The following PTPRN2 variants were observed in gnomAD, a reference collection of about 807,000 sequenced individuals.
The protein encoded by PTPRN2 is receptor-type tyrosine-protein phosphatase N2.
Under a neutral mutation model 118.8 loss-of-function variants are expected in PTPRN2, and 74 were observed. That is an observed-to-expected ratio of 0.62 (90% CI 0.52 to 0.76). The LOEUF is 0.76. PTPRN2 is among the 30% of genes least tolerant of loss of function. PTPRN2 has a pLI of 0.00. For missense variants in PTPRN2, 1,481 were observed against 1,394.4 expected (o/e 1.06, Z -0.99); for synonymous variants, 641 against 608.0 (o/e 1.05, Z -0.80).
intron 12 of PTPRN2, among the ~76,000 whole-genome samples, chr7:157,685,189 C>T (rs1000167704): frequency 1.3e-5 from 2 of 151,896 alleles, no homozygotes; most frequent in Non-Finnish European, 2.9e-5. Context: ...CGCCCTCCCA[C>T]CCCTCATCCC....
intron 10 of PTPRN2, among the ~76,000 whole-genome samples, chr7:158,094,985 T>C (rs1217130603): frequency 6.6e-6 from 1 of 152,138 alleles, no homozygotes; most frequent in Non-Finnish European, 1.5e-5. Context: ...CAGTTTGCAA[T>C]CCCAAATGAA....
At chr7:157,914,620 GTAT>G (rs968263062) in intron 11 of PTPRN2, among the ~76,000 whole-genome samples, 1 of 149,222 alleles carries the variant, frequency 6.7e-6, no homozygotes, top group African/African-American at 2.5e-5. Flanking sequence ...TTTTAAATTA[GTAT>G]TTCCTTAGGA....
chr7:158,085,581 C>T (rs1188663123), intron 10 of PTPRN2, among the ~76,000 whole-genome samples: 9 of 128,972 alleles, frequency 7.0e-5, no homozygotes, highest in Non-Finnish European at 1.1e-4. Context: ...ACACCCTCGA[C>T]GCCCATCCAG....
chr7:158,334,891 G>A lies in PTPRN2; in HGVS notation c.164-17959C>T, dbSNP rs1259922377. Among the ~76,000 whole-genome samples, 2 of 10,500 alleles carry A rather than the reference G, an allele frequency of 1.9e-4. 1 individual carries two copies. Among genetic ancestry groups the A allele is most frequent in the African/African-American group, 4.1e-4 (2 of 4,934 alleles). The allele number at this position is 10,500 out of a possible 152,430, so 6.9% of individuals were successfully genotyped here. A position where few individuals can be genotyped will look rare whatever the true frequency, so the allele number is the denominator to read the frequency against. On this transcript the variant is annotated intron_variant, in intron 2 of 22. Transcript: ENST00000389418. The stretch of plus-strand genomic sequence containing the variant: ...ACTCTCACCATAATAGCTGTCGTCC[G>A]GAGGCGTCACTCACACCCACACTCT...
chr7:158,376,694 C>T (rs1224817399), intron 2 of PTPRN2, among the ~76,000 whole-genome samples: 1 of 124,042 alleles, frequency 8.1e-6, no homozygotes, highest in African/African-American at 3.3e-5. Context: ...CCCTGTCACA[C>T]GTCCTGCACG....
intron 11 of PTPRN2, among the ~76,000 whole-genome samples, chr7:158,026,988 C>T (rs960000758): frequency 6.6e-6 from 1 of 152,238 alleles, no homozygotes; most frequent in Non-Finnish European, 1.5e-5. Flanking sequence ...TCGTGACACT[C>T]GACCCTTTTG....
At chr7:157,967,431 G>A (rs1273162562) in intron 11 of PTPRN2, among the ~76,000 whole-genome samples, 3 of 152,182 alleles carry the variant, frequency 2.0e-5, no homozygotes, top group African/African-American at 7.2e-5. Flanking sequence ...ACGGTAAATG[G>A]GATGGAAGGT....
At chr7:158,313,807 T>C (rs945975141) in intron 3 of PTPRN2, among the ~76,000 whole-genome samples, 1 of 152,236 alleles carries the variant, frequency 6.6e-6, no homozygotes, top group Admixed American at 6.5e-5. Flanking sequence ...TTCATGGATA[T>C]ATGAGACAAA....
At chr7:158,060,075 G>C (rs1243023643) in intron 11 of PTPRN2, among the ~76,000 whole-genome samples, 8 of 121,406 alleles carry the variant, frequency 6.6e-5, no homozygotes, top group African/African-American at 3.2e-4. Context: ...CATCACTGCA[G>C]CCACACTCCA....
At chr7:158,332,201 C>T (rs1384214412) in intron 2 of PTPRN2, among the ~76,000 whole-genome samples, 1 of 148,914 alleles carries the variant, frequency 6.7e-6, no homozygotes, top group Non-Finnish European at 1.5e-5. Context: ...GTGACACCTG[C>T]AGACATCACT....
chr7:157,813,251 C>A lies in PTPRN2; in HGVS notation c.1788+85422G>T, dbSNP rs1264437255. On this transcript the variant is annotated intron_variant, in intron 12 of 22. Transcript: ENST00000389418. The surrounding 1 kb of genome is among the most constrained non-coding windows in gnomAD (Gnocchi z 4.7). ...AGAAGTGGAACTTCAGTGGTAAGCC[C>A]AGACCTTTGGGACCCCTCACCCTGC... Among the ~76,000 whole-genome samples, 1 of 152,158 alleles carries A rather than the reference C, an allele frequency of 6.6e-6. No individual in the cohort carries two copies. The highest frequency in any genetic ancestry group is 1.9e-4 in the East Asian group (1 of 5,190).
intron 3 of PTPRN2, among the ~76,000 whole-genome samples, chr7:158,262,752 C>T (rs547427062): frequency 6.8e-5 from 10 of 147,796 alleles, no homozygotes; most frequent in South Asian, 2.2e-4. Context: ...TGCACATATA[C>T]ACACACTGCA....
chr7:158,130,979 AAC>A (rs763040272), intron 9 of PTPRN2, among the ~76,000 whole-genome samples: 8 of 150,334 alleles, frequency 5.3e-5, no homozygotes, highest in South Asian at 4.2e-4. Context: ...CATATACACA[AAC>A]ACACATATGC....
Position 157,861,318 on chromosome 7 carries a change from C to T in PTPRN2, c.1788+37355G>A, listed in dbSNP as rs569299956. Among the ~76,000 whole-genome samples, 71 of 152,334 alleles carry T rather than the reference C, an allele frequency of 4.7e-4. No homozygotes were observed. The highest frequency in any genetic ancestry group is 1.6e-3 in the African/African-American group (67 of 41,592). On this transcript the variant is annotated intron_variant, in intron 12 of 22. Transcript: ENST00000389418. This position sits in a 1 kb window ranked among gnomAD's most constrained non-coding sequence, Gnocchi z 5.8. ...GTGGGAGGATGAGAGGCCTGGATTG[C>T]ACCGGAAGCACCTCCGGCTGGAGCT...
chr7:158,549,544 TCTC>T (rs543803144), intron 1 of PTPRN2, among the ~76,000 whole-genome samples: 2 of 152,368 alleles, frequency 1.3e-5, no homozygotes, highest in Non-Finnish European at 2.9e-5. Flanking sequence ...GGCTTTGTCT[TCTC>T]CTTTGCAAAA....
In PTPRN2 at chr7:158,136,646, T is replaced by A; in HGVS notation, c.1173+9A>T. 6.2e-7 allele frequency: 1 copy of A among 1,612,094 alleles called. No individual in the cohort carries two copies. The highest frequency in any genetic ancestry group is 8.5e-7 in the Non-Finnish European group (1 of 1,178,222). Reference sequence around the variant, plus strand: ...TAACATGAAACAAACACCAGAGACGTCATCTTACCTCTTGGTAAAGTCTAT... The same window carrying A: ...TAACATGAAACAAACACCAGAGACGACATCTTACCTCTTGGTAAAGTCTAT... On this transcript the variant is annotated intron_variant, in intron 8 of 22. Coordinates refer to ENST00000389418, the MANE Select transcript of PTPRN2 (RefSeq NM_002847.5).
intron 3 of PTPRN2, among the ~76,000 whole-genome samples, chr7:158,243,899 C>T (rs961764283): frequency 6.7e-6 from 1 of 150,294 alleles, no homozygotes; most frequent in East Asian, 1.9e-4. Context: ...ATGATAATTA[C>T]AAACTACCTC....
At chr7:157,755,035 G>A (rs920300415) in intron 12 of PTPRN2, among the ~76,000 whole-genome samples, 10 of 152,070 alleles carry the variant, frequency 6.6e-5, no homozygotes, top group South Asian at 2.1e-4. Flanking sequence ...ATGGGTGTGC[G>A]CTGCCACGCC....
At chr7:157,552,505 C>T (rs796641675) in intron 21 of PTPRN2, among the ~76,000 whole-genome samples, 18 of 152,088 alleles carry the variant, frequency 1.2e-4, no homozygotes, top group East Asian at 7.8e-4. Context: ...GGGGATGGGC[C>T]GAGGTGCAGG....
Sources: allele counts gnomAD v4.1 joint callset (sites outside exome capture counted in the v4.1 genomes callset), GRCh38; gene constraint gnomAD v4.1.1; non-coding constraint Gnocchi (gnomAD v3.1); transcripts MANE v1.5; gene names NCBI Gene and HGNC (gene_info 2026-07-23, HGNC 2026-07-21).